The following THSD4 variants were observed in gnomAD, a reference collection of about 807,000 sequenced individuals.
THSD4 encodes thrombospondin type 1 domain containing 4.
THSD4 carries 69 observed loss-of-function variants against 119.0 expected under a neutral mutation model. The ratio of observed to expected loss-of-function variants is 0.58; its 90% CI spans 0.48 to 0.71. The LOEUF (loss-of-function observed/expected upper bound fraction) is 0.71. Ranked by LOEUF, THSD4 falls within the 30% of genes least tolerant of loss-of-function variation. THSD4 has a pLI of 0.00. For missense variants in THSD4, 1,393 were observed against 1,391.1 expected, an observed-to-expected ratio of 1.00 and a Z score of -0.02; for synonymous variants, 524 against 540.4, an observed-to-expected ratio of 0.97 and a Z score of 0.42.
intron 6 of THSD4, among the ~76,000 whole-genome samples, chr15:71,269,212 CA>C (rs2044500902): frequency 6.6e-6 from 1 of 152,146 alleles, no homozygotes; most frequent in Non-Finnish European, 1.5e-5. Context: ...AAAATACTGG[CA>C]AACTGAATTC....
chr15:71,137,128 T>G (rs942156924), intron 1 of THSD4, among the ~76,000 whole-genome samples: 1 of 152,160 alleles, frequency 6.6e-6, no homozygotes, highest in Non-Finnish European at 1.5e-5. Context: ...GAAACTAGAT[T>G]GTTAGATTTT....
intron 8 of THSD4, among the ~76,000 whole-genome samples, chr15:71,672,786 A>C (rs1391350929): frequency 3.3e-5 from 5 of 152,336 alleles, no homozygotes; most frequent in South Asian, 2.1e-4. Context: ...GTGACGGATT[A>C]TGTTTATTGA....
At chr15:71,743,853 G>T (rs2053281616) in intron 11 of THSD4, among the ~76,000 whole-genome samples, 1 of 152,194 alleles carries the variant, frequency 6.6e-6, no homozygotes, top group African/African-American at 2.4e-5. Context: ...TATGTTAAAA[G>T]ATAGCCCCTA....
chr15:71,731,235 G>A lies in THSD4; in HGVS notation c.1630+18G>A. 6.2e-7 allele frequency: 1 copy of A among 1,609,876 alleles called. No homozygotes were observed. The highest frequency in any genetic ancestry group is 1.3e-5 in the African/African-American group (1 of 74,984). On this transcript the variant is annotated intron_variant, in intron 10 of 17. Coordinates refer to ENST00000261862, the MANE Select transcript of THSD4 (RefSeq NM_024817.3). ...GAGACCAGGTAGAATCCCTTGTCTT[G>A]TGGCCGGGGACTCTGGTCATTTCCT...
intron 6 of THSD4, among the ~76,000 whole-genome samples, chr15:71,320,207 C>T (rs1420850083): frequency 2.6e-5 from 4 of 152,200 alleles, no homozygotes; most frequent in Non-Finnish European, 4.4e-5. Context: ...TGCAGTCACT[C>T]ATGATAACCA....
At chr15:71,390,673 T>C (rs1171586879) in intron 6 of THSD4, among the ~76,000 whole-genome samples, 1 of 152,036 alleles carries the variant, frequency 6.6e-6, no homozygotes, top group East Asian at 1.9e-4. Context: ...TTGAGTTACC[T>C]AGCAATTTTC....
rs2046538830 is a variant in THSD4 at position 71,401,934 on chromosome 15, G to A, written c.1016-9753G>A. On this transcript the variant is annotated intron_variant, in intron 6 of 17. Coordinates refer to ENST00000261862, the MANE Select transcript of THSD4 (RefSeq NM_024817.3). ...ATACTATGCAGCCATAAAAAAGGAT[G>A]AGTTCATGTCCTTTGCAGGGACATG... Among the ~76,000 whole-genome samples, 5 of 152,258 alleles carry A rather than the reference G, an allele frequency of 3.3e-5. No homozygotes were observed. The South Asian group carries it at 1.0e-3, about 32-fold the overall frequency.
At chr15:71,754,663 G>A (rs1242858406) in intron 14 of THSD4, among the ~76,000 whole-genome samples, 1 of 152,206 alleles carries the variant, frequency 6.6e-6, no homozygotes, top group African/African-American at 2.4e-5. Flanking sequence ...CTGTAGGGGA[G>A]GAAAAATGTT....
chr15:71,157,652 G>A (rs1175295138), intron 3 of THSD4, among the ~76,000 whole-genome samples: 1 of 127,380 alleles, frequency 7.9e-6, no homozygotes, highest in Non-Finnish European at 1.6e-5. Flanking sequence ...GGTAACCTCT[G>A]TTCTCCTTTC....
chr15:71,215,045 GGATGGCGGCGGAGGGCGCCCCCGAGGAC>G lies in THSD4; in HGVS notation c.113_140del (p.Met38ThrfsTer27). On this transcript the variant is annotated frameshift_variant, in exon 4 of 18. Transcript: ENST00000261862. LOFTEE classifies it high-confidence loss of function. ...CCTCTGTCTCCGCAGGTCCCGCAGC[GGATGGCGGCGGAGGGCGCCCCCGAGGAC>G]GACGGCGGCGGCGGCGCCCCGGGAG... The G allele has an allele frequency of 7.8e-7, 1 of 1,289,068 alleles. No individual in the cohort carries two copies. The highest frequency in any genetic ancestry group is 2.6e-5 in the South Asian group (1 of 37,864). 79.9% of individuals were successfully genotyped at this position (1,289,068 alleles called of 1,614,324 possible).
chr15:71,764,463 G>T (rs980351387), intron 15 of THSD4, among the ~76,000 whole-genome samples: 1 of 152,216 alleles, frequency 6.6e-6, no homozygotes, highest in African/African-American at 2.4e-5. Flanking sequence ...AGAAGATTGG[G>T]CTCTGTAGTC....
At chr15:71,196,083 A>G (rs2043716917) in intron 3 of THSD4, among the ~76,000 whole-genome samples, 1 of 152,168 alleles carries the variant, frequency 6.6e-6, no homozygotes, top group South Asian at 2.1e-4. Flanking sequence ...GCATCCTCAC[A>G]TAGTGGAAAG....
intron 14 of THSD4, among the ~76,000 whole-genome samples, chr15:71,755,034 A>G (rs987102592): frequency 6.6e-6 from 1 of 152,214 alleles, no homozygotes; most frequent in African/African-American, 2.4e-5. Flanking sequence ...CCCCATCTCC[A>G]GTGATAAGAA....
chr15:71,114,444 C>A (rs2040335288), upstream of THSD4, among the ~76,000 whole-genome samples: 1 of 152,172 alleles, frequency 6.6e-6, no homozygotes, highest in African/African-American at 2.4e-5. Context: ...TTTAGGGAAA[C>A]GCCTGTATCT....
At chr15:71,163,595 T>C (rs1195760861) in intron 3 of THSD4, among the ~76,000 whole-genome samples, 3 of 152,092 alleles carry the variant, frequency 2.0e-5, no homozygotes, top group Non-Finnish European at 2.9e-5. Context: ...AGTTTAAGTG[T>C]CTTCTTTCCT....
chr15:71,723,306 C>CA (rs1483998754), intron 8 of THSD4, among the ~76,000 whole-genome samples: 1 of 152,160 alleles, frequency 6.6e-6, no homozygotes, highest in Non-Finnish European at 1.5e-5. Context: ...ACCCACCTGG[C>CA]AATACTTGCA....
At chr15:71,713,201 C>T (rs1164135350) in intron 8 of THSD4, among the ~76,000 whole-genome samples, 4 of 152,174 alleles carry the variant, frequency 2.6e-5, no homozygotes, top group African/African-American at 7.2e-5. Context: ...TGCTCTGGTC[C>T]CTCCCATTGG....
chr15:71,666,373 A>C (rs1209816025), intron 8 of THSD4, among the ~76,000 whole-genome samples: 1 of 152,144 alleles, frequency 6.6e-6, no homozygotes, highest in Admixed American at 6.5e-5. Flanking sequence ...TTACATAGTT[A>C]AACTTGTATT....
intron 3 of THSD4, among the ~76,000 whole-genome samples, chr15:71,167,939 G>A (rs1287940517): frequency 6.6e-6 from 1 of 152,196 alleles, no homozygotes; most frequent in Non-Finnish European, 1.5e-5. Context: ...CAGGTGACTT[G>A]ATACATCTCT....
Sources: allele counts gnomAD v4.1 joint callset (sites outside exome capture counted in the v4.1 genomes callset), GRCh38; gene constraint gnomAD v4.1.1; transcripts MANE v1.5; gene names NCBI Gene and HGNC (gene_info 2026-07-23, HGNC 2026-07-21).